CSMD1: variants seen among roughly 807,000 people sequenced by gnomAD.
The protein encoded by CSMD1 is CUB and Sushi multiple domains 1.
A neutral mutation model predicts 417.5 loss-of-function variants in CSMD1; 213 were observed. The ratio of observed to expected loss-of-function variants is 0.51; its 90% CI spans 0.46 to 0.57. The LOEUF (loss-of-function observed/expected upper bound fraction) is 0.57, where lower values mean the gene tolerates loss of function less well. CSMD1 is among the 20% of genes least tolerant of loss of function. CSMD1 has a pLI of 0.00. For missense variants in CSMD1, 6,923 were observed against 4,529.7 expected (o/e 1.53, Z -15.17); for synonymous variants, 2,862 against 1,736.8 (o/e 1.65, Z -16.11).
intron 3 of CSMD1, among the ~76,000 whole-genome samples, chr8:4,371,352 G>A (rs1323819937): frequency 1.3e-5 from 2 of 152,118 alleles, no homozygotes; most frequent in Admixed American, 1.3e-4. Flanking sequence ...TTTAAATGCA[G>A]GGTTTTGAGA....
chr8:4,719,075 T>A (rs1001453072), intron 1 of CSMD1, among the ~76,000 whole-genome samples: 2 of 152,290 alleles, frequency 1.3e-5, no homozygotes, highest in Non-Finnish European at 2.9e-5. Context: ...AGAGCTAGAA[T>A]TTTGTTTTAA....
chr8:3,635,832 A>G (rs530401000), intron 7 of CSMD1, among the ~76,000 whole-genome samples: 11 of 150,012 alleles, frequency 7.3e-5, no homozygotes, highest in Middle Eastern at 3.5e-3. Context: ...AAGAAAGAAA[A>G]AAAAAATGAG....
At chr8:4,803,173 T>C (rs917772014) in intron 1 of CSMD1, among the ~76,000 whole-genome samples, 39 of 152,208 alleles carry the variant, frequency 2.6e-4, no homozygotes, top group African/African-American at 8.9e-4. Context: ...TATTTGTTAA[T>C]ATTCTTTAAG....
At chr8:3,579,741 T>G (rs1297064544) in intron 9 of CSMD1, among the ~76,000 whole-genome samples, 3 of 152,208 alleles carry the variant, frequency 2.0e-5, no homozygotes, top group Non-Finnish European at 4.4e-5. Flanking sequence ...AGAATAATCA[T>G]AACTCCACTT....
intron 3 of CSMD1, among the ~76,000 whole-genome samples, chr8:4,061,133 C>G (rs764923528): frequency 1.3e-5 from 2 of 152,166 alleles, no homozygotes; most frequent in African/African-American, 4.8e-5. Context: ...CTCCAGCAGG[C>G]TCATCTCATC....
chr8:3,128,141 T>A (rs919978316), intron 41 of CSMD1: 8 of 152,260 alleles, frequency 5.3e-5, no homozygotes, highest in East Asian at 1.9e-4. Context: ...ACACAGAGAA[T>A]TTTATCTTTT....
intron 68 of CSMD1, among the ~76,000 whole-genome samples, chr8:2,945,022 A>C (rs1315534048): frequency 1.3e-5 from 2 of 152,166 alleles, no homozygotes; most frequent in Non-Finnish European, 2.9e-5. Context: ...AGATTATCAC[A>C]TGCCTGCAGC....
At position 4,554,929 on chromosome 8, in the gene CSMD1, C is replaced by T. The variant is rs73498646; in HGVS notation, c.302+82413G>A. On this transcript the variant is annotated intron_variant, in intron 2 of 69. Transcript: ENST00000635120. ...ATGTGGGATGCTGTCTTCTAGGCAA[C>T]GAATTCCTGTGGGATGGAGTAAGCC... Among the ~76,000 whole-genome samples, 814 of 152,172 alleles carry T rather than the reference C, an allele frequency of 5.3e-3. 4 individuals are homozygous for T. Among genetic ancestry groups the T allele is most frequent in the African/African-American group, 0.019 (790 of 41,522 alleles).
intron 18 of CSMD1, among the ~76,000 whole-genome samples, chr8:3,370,585 C>T (rs958476055): frequency 1.3e-5 from 2 of 152,192 alleles, no homozygotes; most frequent in African/African-American, 4.8e-5. Context: ...GCTGCTAGGA[C>T]AGATTAGAAT....
intron 1 of CSMD1, among the ~76,000 whole-genome samples, chr8:4,779,160 G>C (rs890288321): frequency 6.6e-6 from 1 of 152,026 alleles, no homozygotes; most frequent in African/African-American, 2.4e-5. Flanking sequence ...TGAAGTCTTC[G>C]GTTTAAAATA....
At chr8:3,978,846 T>G (rs1318049765) in intron 5 of CSMD1, among the ~76,000 whole-genome samples, 1 of 152,288 alleles carries the variant, frequency 6.6e-6, no homozygotes, top group South Asian at 2.1e-4. Flanking sequence ...TCTTGATCCC[T>G]TCCCAGCGCT....
At chr8:3,900,286 G>A (rs564573938) in intron 5 of CSMD1, among the ~76,000 whole-genome samples, 2 of 150,508 alleles carry the variant, frequency 1.3e-5, no homozygotes, top group Non-Finnish European at 2.9e-5. Context: ...TGACAGTGCA[G>A]CTGCGTGACA....
intron 1 of CSMD1, among the ~76,000 whole-genome samples, chr8:4,760,982 C>A (rs1812003548): frequency 6.6e-6 from 1 of 152,086 alleles, no homozygotes; most frequent in East Asian, 1.9e-4. Flanking sequence ...TTAGCTTCCA[C>A]ACTCACCTCC....
intron 3 of CSMD1, among the ~76,000 whole-genome samples, chr8:4,134,784 G>A (rs771844189): frequency 5.5e-4 from 83 of 152,094 alleles, no homozygotes; most frequent in Middle Eastern, 3.2e-3. Context: ...TCTCAACACG[G>A]CATCATGAGT....
At chr8:4,234,656 G>C (rs1205504465) in intron 3 of CSMD1, among the ~76,000 whole-genome samples, 3 of 152,260 alleles carry the variant, frequency 2.0e-5, no homozygotes, top group Middle Eastern at 3.4e-3. Flanking sequence ...CTGACGAATA[G>C]ATGGCAGGTG....
chr8:4,331,710 C>T (rs936249401), intron 3 of CSMD1, among the ~76,000 whole-genome samples: 1 of 152,128 alleles, frequency 6.6e-6, no homozygotes, highest in Non-Finnish European at 1.5e-5. Context: ...CCTTGTTTTC[C>T]TAAAGGCTTC....
Position 4,759,885 on chromosome 8 carries a change from G to T in CSMD1, c.86-122327C>A, listed in dbSNP as rs151017016. Among the ~76,000 whole-genome samples, 4 of 152,194 alleles carry T rather than the reference G, an allele frequency of 2.6e-5. No individual in the cohort carries two copies. In the East Asian group the frequency reaches 5.8e-4, roughly 22 times the overall value. ...CTGCAATGAATATAGGCATGCATGT[G>T]TATTTATAATAGCATGACTTATATT... On this transcript the variant is annotated intron_variant, in intron 1 of 69. Transcript: ENST00000635120.
intron 1 of CSMD1, among the ~76,000 whole-genome samples, chr8:4,679,431 C>T (rs1239357536): frequency 9.9e-5 from 15 of 152,182 alleles, no homozygotes; most frequent in South Asian, 2.1e-4. Context: ...GTAGTAATTC[C>T]GCCCTGTTTA....
chr8:4,994,689 C>T lies in CSMD1; in HGVS notation c.-273G>A. 1 of 399,724 alleles carries T rather than the reference C, an allele frequency of 2.5e-6. No homozygotes were observed. The highest frequency in any genetic ancestry group is 4.5e-6 in the Non-Finnish European group (1 of 223,316). 24.8% of individuals were successfully genotyped at this position (399,724 alleles called of 1,614,324 possible). On this transcript the variant is annotated 5_prime_UTR_variant, in exon 1 of 70. Coordinates refer to ENST00000635120, the MANE Select transcript of CSMD1 (RefSeq NM_033225.6). ...GGGCCGGGGACGAGCGCCGGCCGAG[C>T]CGGGCAGGAAGGCACCAAGGCGGCG...
Sources: gnomAD v4.1 joint callset for allele counts (sites outside exome capture counted in the v4.1 genomes callset) on GRCh38, gnomAD v4.1.1 for gene constraint, MANE v1.5 for transcripts, NCBI Gene and HGNC (gene_info 2026-07-23, HGNC 2026-07-21) for gene names.